Variants in NAALADL2 observed in about 807,000 individuals in gnomAD.
The protein encoded by NAALADL2 is inactive N-acetylated-alpha-linked acidic dipeptidase-like protein 2.
Under a neutral mutation model 87.2 loss-of-function variants are expected in NAALADL2, and 76 were observed. The observed-to-expected ratio is 0.87, with a 90% CI of 0.72 to 1.05. NAALADL2 has a LOEUF of 1.05. Ranked by LOEUF, NAALADL2 falls within the 50% of genes least tolerant of loss-of-function variation. The probability of loss-of-function intolerance (pLI) is 0.00; values close to 1 mark genes in which losing one functional copy is unlikely to be tolerated. For synonymous variants in NAALADL2, 354 were observed against 331.0 expected, an observed-to-expected ratio of 1.07 and a Z score of -0.75; for missense variants, 1,089 against 945.8, an observed-to-expected ratio of 1.15 and a Z score of -1.99.
chr3:175,294,610 G>T (rs13059348), intron 4 of NAALADL2, among the ~76,000 whole-genome samples: 5 of 152,096 alleles, frequency 3.3e-5, no homozygotes, highest in Admixed American at 2.0e-4. Context: ...CAGAGCCAAG[G>T]TTCAAGTCTA....
At chr3:175,147,656 A>G (rs951870721) in intron 2 of NAALADL2, among the ~76,000 whole-genome samples, 12 of 152,192 alleles carry the variant, frequency 7.9e-5, no homozygotes. Flanking sequence ...ATGTTCTTTG[A>G]GAAATCTTCA....
At chr3:175,795,681 T>A (rs1753380836) in intron 13 of NAALADL2, among the ~76,000 whole-genome samples, 1 of 150,484 alleles carries the variant, frequency 6.6e-6, no homozygotes. Context: ...AGACTCTGTC[T>A]CAAAAAATAA....
chr3:175,036,755 T>C (rs1237953508), intron 1 of NAALADL2, among the ~76,000 whole-genome samples: 1 of 151,898 alleles, frequency 6.6e-6, no homozygotes, highest in African/African-American at 2.4e-5. Context: ...ATTTTATTGT[T>C]TTTCCTAATG....
intron 3 of NAALADL2, among the ~76,000 whole-genome samples, chr3:174,782,817 AG>A (rs1292043851): frequency 6.6e-6 from 1 of 152,102 alleles, no homozygotes; most frequent in Non-Finnish European, 1.5e-5. Context: ...CACTATCACA[AG>A]AACAGCATGG....
intron 11 of NAALADL2, among the ~76,000 whole-genome samples, chr3:175,661,351 G>A (rs984713036): frequency 7.3e-5 from 11 of 150,716 alleles, no homozygotes; most frequent in Non-Finnish European, 1.3e-4. Context: ...TTTTAAATCA[G>A]ACTTTTTTTT....
chr3:174,589,901 A>G lies in NAALADL2; in HGVS notation c.-115+39264A>G, dbSNP rs182952856. ...AGTCATATATATATTTGAAAATGCC[A>G]TAAATAAAACATCCTGTTATTTCTT... On this transcript the variant is annotated intron_variant, in intron 2 of 3. Transcript: ENST00000434257. Among the ~76,000 whole-genome samples the G allele has an allele frequency of 1.2e-3, 187 of 151,524 alleles. No individual in the cohort carries two copies. In the Middle Eastern group the frequency reaches 0.017, roughly 14 times the overall value.
intron 1 of NAALADL2, among the ~76,000 whole-genome samples, chr3:174,458,142 GA>G: frequency 6.6e-6 from 1 of 152,194 alleles, no homozygotes; most frequent in East Asian, 1.9e-4. Context: ...ACTTAAAAGT[GA>G]AAAATGAATT....
At chr3:175,513,563 G>A (rs1731448590) in intron 9 of NAALADL2, among the ~76,000 whole-genome samples, 1 of 152,162 alleles carries the variant, frequency 6.6e-6, no homozygotes, top group South Asian at 2.1e-4. Flanking sequence ...TTTAGCCAAG[G>A]TAGGGAAAAA....
chr3:174,987,824 A>G (rs1192075727), intron 1 of NAALADL2, among the ~76,000 whole-genome samples: 4 of 141,706 alleles, frequency 2.8e-5, no homozygotes, highest in Non-Finnish European at 4.5e-5. Context: ...ATATATATAT[A>G]TATAATGAGA....
chr3:174,472,849 T>C (rs1431498725), intron 1 of NAALADL2, among the ~76,000 whole-genome samples: 1 of 152,200 alleles, frequency 6.6e-6, no homozygotes, highest in Admixed American at 6.5e-5. Flanking sequence ...TGTTGCACTT[T>C]GTAGAAACAT....
intron 4 of NAALADL2, among the ~76,000 whole-genome samples, chr3:175,321,208 G>T (rs1349361397): frequency 6.8e-6 from 1 of 147,104 alleles, no homozygotes; most frequent in East Asian, 2.3e-4. Flanking sequence ...ATGTAATCCA[G>T]CATATAAACA....
chr3:175,269,093 C>T (rs1752413959), intron 4 of NAALADL2, among the ~76,000 whole-genome samples: 1 of 151,510 alleles, frequency 6.6e-6, no homozygotes, highest in South Asian at 2.1e-4. Flanking sequence ...TGTGTGCCAC[C>T]ATGCCTGACT....
At chr3:175,194,435 G>A (rs533429821) in intron 2 of NAALADL2, among the ~76,000 whole-genome samples, 129 of 151,990 alleles carry the variant, frequency 8.5e-4, no homozygotes, top group Non-Finnish European at 1.7e-3. Context: ...CCCTTAAGGG[G>A]CTTGACAGAA....
chr3:174,877,306 G>C (rs1404429550), intron 1 of NAALADL2, among the ~76,000 whole-genome samples: 1 of 152,066 alleles, frequency 6.6e-6, no homozygotes, highest in Admixed American at 6.6e-5. Flanking sequence ...AGTACTGATG[G>C]TTAACAAACT....
At chr3:175,364,534 C>T (rs1417092832) in intron 5 of NAALADL2, among the ~76,000 whole-genome samples, 1 of 147,434 alleles carries the variant, frequency 6.8e-6, no homozygotes, top group South Asian at 2.2e-4. Flanking sequence ...ATTACTCAAA[C>T]GTTTTAATAT....
intron 6 of NAALADL2, chr3:175,460,142 G>C (rs769554081): frequency 4.4e-6 from 2 of 456,196 alleles, no homozygotes; most frequent in East Asian, 6.9e-5. Flanking sequence ...CCTTACCAAC[G>C]GATTGTTCAA....
chr3:174,742,523 T>C (rs1326888524), intron 3 of NAALADL2, among the ~76,000 whole-genome samples: 1 of 151,640 alleles, frequency 6.6e-6, no homozygotes, highest in Admixed American at 6.6e-5. Flanking sequence ...TAATAAATAA[T>C]CATATGCGTA....
At chr3:175,620,813 G>C (rs944658480) in intron 10 of NAALADL2, among the ~76,000 whole-genome samples, 2 of 152,170 alleles carry the variant, frequency 1.3e-5, no homozygotes, top group African/African-American at 4.8e-5. Context: ...CTGTGACCAA[G>C]AGAAATGAGG....
intron 2 of NAALADL2, among the ~76,000 whole-genome samples, chr3:174,619,503 C>G (rs943638676): frequency 6.6e-6 from 1 of 151,908 alleles, no homozygotes; most frequent in Non-Finnish European, 1.5e-5. Context: ...CCCTTTACAA[C>G]AGGGGTGCTA....
Sources: gnomAD v4.1 joint callset for allele counts (sites outside exome capture counted in the v4.1 genomes callset) on GRCh38, gnomAD v4.1.1 for gene constraint, MANE v1.5 for transcripts, NCBI Gene and HGNC (gene_info 2026-07-23, HGNC 2026-07-21) for gene names.